The following PCDH15 variants were observed in gnomAD, a reference collection of about 807,000 sequenced individuals.
PCDH15 encodes protocadherin-15.
In PCDH15, 129 loss-of-function variants were observed where a neutral mutation model predicts 178.5. The ratio of observed to expected loss-of-function variants is 0.72; its 90% CI spans 0.63 to 0.84. The LOEUF (loss-of-function observed/expected upper bound fraction) is 0.84, where lower values mean the gene tolerates loss of function less well. Among genes scored for constraint, PCDH15 ranks in the 40% least tolerant of loss-of-function variants. PCDH15 has a pLI of 0.00. For synonymous variants in PCDH15, 800 were observed against 732.0 expected (o/e 1.09, Z -1.50); for missense variants, 2,230 against 2,099.9 (o/e 1.06, Z -1.21).
chr10:54,800,720 G>C (rs1952584031), intron 1 of PCDH15, among the ~76,000 whole-genome samples: 1 of 152,140 alleles, frequency 6.6e-6, no homozygotes, highest in East Asian at 1.9e-4. Flanking sequence ...ACAGTAATCA[G>C]GAAGAATGAA....
In PCDH15 at chr10:54,345,796, C is replaced by T. The variant is rs188716868; in HGVS notation, c.594+569G>A. ...CAGCCTGGGCAACAGAGCGAGACTC[C>T]GTCTCAAAAAAAAAAAAAAAAAAAA... On this transcript the variant is annotated intron_variant, in intron 6 of 37. Transcript: ENST00000644397. Among the ~76,000 whole-genome samples the T allele has an allele frequency of 3.4e-3, 253 of 74,798 alleles. 7 individuals are homozygous for T. The East Asian group carries it at 0.072, about 21-fold the overall frequency. 49.1% of individuals were successfully genotyped at this position (74,798 alleles called of 152,430 possible). A position where few individuals can be genotyped will look rare whatever the true frequency, so the allele number is the denominator to read the frequency against.
rs1441610599 is a variant in PCDH15, at chr10:55,069,524, G to A, written c.-80+97052C>T. On this transcript the variant is annotated intron_variant, in intron 2 of 5. Transcript: ENST00000458638. ...TTCCCACCTATGAGTGAGAATATGC[G>A]GTGTTTGGTTTTTTGTTCTTGCGAT... Among the ~76,000 whole-genome samples the A allele has an allele frequency of 1.8e-3, 251 of 137,050 alleles. 2 individuals carry two copies. The highest frequency in any genetic ancestry group is 6.6e-3 in the African/African-American group (241 of 36,424). 89.9% of individuals were successfully genotyped at this position (137,050 alleles called of 152,430 possible). A position where few individuals can be genotyped will look rare whatever the true frequency, so the allele number is the denominator to read the frequency against.
intron 2 of PCDH15, among the ~76,000 whole-genome samples, chr10:55,572,080 G>C (rs1842416665): frequency 6.6e-6 from 1 of 151,860 alleles, no homozygotes; most frequent in Non-Finnish European, 1.5e-5. Context: ...CAAATACTTG[G>C]CTCTGTGCTC....
intron 1 of PCDH15, among the ~76,000 whole-genome samples, chr10:55,181,082 T>C (rs780313229): frequency 2.0e-5 from 3 of 152,036 alleles, no homozygotes; most frequent in Non-Finnish European, 4.4e-5. Flanking sequence ...CAAAGTGATA[T>C]TTAAAATGAG....
chr10:55,027,469 T>C (rs1840502640), intron 2 of PCDH15, among the ~76,000 whole-genome samples: 1 of 151,846 alleles, frequency 6.6e-6, no homozygotes. Flanking sequence ...TCCCCAACCT[T>C]GACAGCTAGA....
intron 2 of PCDH15, among the ~76,000 whole-genome samples, chr10:55,339,696 T>G (rs989703502): frequency 6.6e-5 from 10 of 152,122 alleles, no homozygotes; most frequent in Non-Finnish European, 1.3e-4. Flanking sequence ...AGGGACTGAT[T>G]GACAGTCCAG....
At chr10:54,783,058 G>A (rs1206420481) in intron 1 of PCDH15, among the ~76,000 whole-genome samples, 1 of 152,010 alleles carries the variant, frequency 6.6e-6, no homozygotes, top group Non-Finnish European at 1.5e-5. Context: ...TCAATGGAGG[G>A]ATACAAAACA....
chr10:55,564,939 C>A (rs1402932113), intron 2 of PCDH15, among the ~76,000 whole-genome samples: 1 of 151,190 alleles, frequency 6.6e-6, no homozygotes, highest in Non-Finnish European at 1.5e-5. Flanking sequence ...ATGGATAAAC[C>A]AATCAGAAGA....
intron 10 of PCDH15, among the ~76,000 whole-genome samples, chr10:54,212,156 A>C (rs1001593731): frequency 2.0e-5 from 3 of 152,110 alleles, no homozygotes; most frequent in Non-Finnish European, 4.4e-5. Flanking sequence ...CAAATTTCTT[A>C]ATTCCCATAG....
chr10:54,309,652 C>T (rs1564929394), intron 8 of PCDH15, among the ~76,000 whole-genome samples: 2 of 151,618 alleles, frequency 1.3e-5, no homozygotes, highest in East Asian at 1.9e-4. Flanking sequence ...AAAAATTAGC[C>T]GGGTGTGGTG....
At chr10:54,724,517 C>A (rs1942161991) in intron 1 of PCDH15, among the ~76,000 whole-genome samples, 1 of 150,918 alleles carries the variant, frequency 6.6e-6, no homozygotes, top group African/African-American at 2.4e-5. Flanking sequence ...ATATATACCC[C>A]CGAATCTAAA....
intron 18 of PCDH15, among the ~76,000 whole-genome samples, chr10:54,059,918 C>T (rs1161056176): frequency 2.0e-5 from 3 of 152,178 alleles, no homozygotes; most frequent in Non-Finnish European, 2.9e-5. Context: ...GTCATTATTA[C>T]TGATTTTTTA....
At chr10:54,240,830 A>G (rs2055205171) in intron 8 of PCDH15, among the ~76,000 whole-genome samples, 1 of 151,526 alleles carries the variant, frequency 6.6e-6, no homozygotes, top group Non-Finnish European at 1.5e-5. Flanking sequence ...ACGGGGTTTC[A>G]CCGTGTTGGC....
intron 35 of PCDH15, among the ~76,000 whole-genome samples, chr10:53,814,198 C>A (rs1194280449): frequency 6.6e-6 from 1 of 152,044 alleles, no homozygotes; most frequent in Non-Finnish European, 1.5e-5. Context: ...AACTGCTTGA[C>A]CAATGCACGT....
At chr10:54,062,248 A>AAAAAC (rs1182798019) in intron 18 of PCDH15, among the ~76,000 whole-genome samples, 77 of 119,918 alleles carry the variant, frequency 6.4e-4, no homozygotes, top group African/African-American at 2.6e-3. Flanking sequence ...AAAAAAAAAA[A>AAAAAC]AAAACAAAAA....
At chr10:55,594,296 GATA>G (rs1224937618) in intron 2 of PCDH15, among the ~76,000 whole-genome samples, 3 of 151,934 alleles carry the variant, frequency 2.0e-5, no homozygotes, top group South Asian at 2.1e-4. Context: ...TAGACAGAGT[GATA>G]ATAATTTGTA....
chr10:55,381,084 A>C (rs367898258), intron 2 of PCDH15, among the ~76,000 whole-genome samples: 4 of 152,092 alleles, frequency 2.6e-5, no homozygotes, highest in Non-Finnish European at 5.9e-5. Context: ...GGACAGAAAC[A>C]ATTTTCCCCT....
intron 1 of PCDH15, among the ~76,000 whole-genome samples, chr10:54,771,724 C>T (rs950523990): frequency 1.3e-5 from 2 of 151,932 alleles, no homozygotes; most frequent in African/African-American, 4.8e-5. Context: ...ATAAATATTC[C>T]TTATACTAAT....
intron 2 of PCDH15, among the ~76,000 whole-genome samples, chr10:54,591,490 G>A (rs1433447980): frequency 1.3e-5 from 2 of 152,088 alleles, no homozygotes; most frequent in Non-Finnish European, 2.9e-5. Flanking sequence ...CCAGAAAGTA[G>A]CATTACCTTG....
Sources: gnomAD v4.1 joint callset for allele counts (sites outside exome capture counted in the v4.1 genomes callset) on GRCh38, gnomAD v4.1.1 for gene constraint, MANE v1.5 for transcripts, NCBI Gene and HGNC (gene_info 2026-07-23, HGNC 2026-07-21) for gene names.